The following MAGI2 variants were observed in gnomAD, a reference collection of about 807,000 sequenced individuals.
MAGI2 encodes the protein membrane associated guanylate kinase, WW and PDZ domain containing 2.
Under a neutral mutation model 133.3 loss-of-function variants are expected in MAGI2, and 35 were observed. The ratio of observed to expected loss-of-function variants is 0.26; its 90% CI spans 0.20 to 0.35. The LOEUF is 0.35. MAGI2 is among the 10% of genes least tolerant of loss of function. MAGI2 has a pLI of 1.00. For synonymous variants in MAGI2, 729 were observed against 710.6 expected, an observed-to-expected ratio of 1.03 and a Z score of -0.41; for missense variants, 1,636 against 1,863.4, an observed-to-expected ratio of 0.88 and a Z score of 2.25.
chr7:78,049,033 G>A (rs754820666), intron 21 of MAGI2, among the ~76,000 whole-genome samples: 15 of 151,358 alleles, frequency 9.9e-5, no homozygotes, highest in Non-Finnish European at 1.3e-4. Flanking sequence ...GCTTGAACCC[G>A]GGAGGCAGAG....
At chr7:78,676,611 C>T (rs1054474181) in intron 2 of MAGI2, among the ~76,000 whole-genome samples, 1 of 152,044 alleles carries the variant, frequency 6.6e-6, no homozygotes, top group Non-Finnish European at 1.5e-5. Context: ...CAGCTCAATC[C>T]AGTGTCACAG....
intron 16 of MAGI2, among the ~76,000 whole-genome samples, chr7:78,145,533 G>A (rs1485498480): frequency 6.6e-6 from 1 of 152,006 alleles, no homozygotes; most frequent in Non-Finnish European, 1.5e-5. Flanking sequence ...TTCTCCTATA[G>A]GTCATAAGGA....
intron 9 of MAGI2, among the ~76,000 whole-genome samples, chr7:78,276,093 A>AG (rs1309930235): frequency 6.6e-6 from 1 of 152,192 alleles, no homozygotes; most frequent in Admixed American, 6.5e-5. Flanking sequence ...GGGAAGCAAG[A>AG]GATCTAAGGA....
At chr7:79,452,013 A>G (rs1278351157) in intron 1 of MAGI2, among the ~76,000 whole-genome samples, 1 of 152,150 alleles carries the variant, frequency 6.6e-6, no homozygotes, top group African/African-American at 2.4e-5. Context: ...GATGATTCCA[A>G]TCTCCCCAAA....
chr7:78,085,689 T>G (rs1816567097), intron 20 of MAGI2, among the ~76,000 whole-genome samples: 1 of 151,872 alleles, frequency 6.6e-6, no homozygotes, highest in Non-Finnish European at 1.5e-5. Flanking sequence ...AGAAGAATCC[T>G]TCATCAAGGT....
chr7:79,136,008 A>AGAAG (rs1197720304), intron 1 of MAGI2, among the ~76,000 whole-genome samples: 12 of 121,382 alleles, frequency 9.9e-5, no homozygotes, highest in Admixed American at 3.2e-4. Flanking sequence ...AGAAAGAGAA[A>AGAAG]GAAAGAAAGA....
At chr7:78,221,863 T>G (rs1201536552) in intron 10 of MAGI2, among the ~76,000 whole-genome samples, 4 of 151,398 alleles carry the variant, frequency 2.6e-5, no homozygotes, top group African/African-American at 9.7e-5. Flanking sequence ...CTTGAACTCT[T>G]GGCCTTAAAC....
intron 13 of MAGI2, among the ~76,000 whole-genome samples, chr7:78,184,237 T>C (rs1207944256): frequency 1.3e-5 from 2 of 152,194 alleles, no homozygotes; most frequent in African/African-American, 4.8e-5. Context: ...TAGGTCCCAT[T>C]TTCTCTCTGG....
At chr7:79,260,762 C>T (rs748454313) in intron 1 of MAGI2, among the ~76,000 whole-genome samples, 29 of 152,104 alleles carry the variant, frequency 1.9e-4, no homozygotes, top group Non-Finnish European at 3.4e-4. Context: ...GTATATGAAA[C>T]GTAAGTGAAT....
intron 2 of MAGI2, among the ~76,000 whole-genome samples, chr7:78,817,146 A>T (rs1463802837): frequency 6.6e-6 from 1 of 152,184 alleles, no homozygotes; most frequent in Non-Finnish European, 1.5e-5. Context: ...TATGGTGGAA[A>T]TATCAAGCAA....
At chr7:79,183,421 T>G (rs913715230) in intron 1 of MAGI2, among the ~76,000 whole-genome samples, 1 of 151,912 alleles carries the variant, frequency 6.6e-6, no homozygotes, top group African/African-American at 2.4e-5. Context: ...TCAAAATAGC[T>G]CTGCAAATAT....
At chr7:78,486,459 A>C (rs1404708261) in intron 6 of MAGI2, 1 of 168,888 alleles carries the variant, frequency 5.9e-6, no homozygotes, top group Non-Finnish European at 1.3e-5. Flanking sequence ...ATTTTCGAGT[A>C]GTTGAGGAAA....
At chr7:78,801,719 G>A (rs1397216608) in intron 2 of MAGI2, among the ~76,000 whole-genome samples, 1 of 152,074 alleles carries the variant, frequency 6.6e-6, no homozygotes, top group Admixed American at 6.6e-5. Flanking sequence ...GTAAAGCAGG[G>A]ACTTCAATTT....
intron 1 of MAGI2, among the ~76,000 whole-genome samples, chr7:79,088,208 C>T (rs1393814192): frequency 6.6e-6 from 1 of 151,952 alleles, no homozygotes; most frequent in African/African-American, 2.4e-5. Context: ...AACTACAACC[C>T]CTTGAAGAGG....
intron 1 of MAGI2, among the ~76,000 whole-genome samples, chr7:79,288,012 T>C (rs1200043715): frequency 6.6e-6 from 1 of 152,130 alleles, no homozygotes; most frequent in Non-Finnish European, 1.5e-5. Flanking sequence ...AGATAAGAAC[T>C]ATGAACATTT....
At chr7:78,983,807 AC>A (rs1250896881) in intron 2 of MAGI2, among the ~76,000 whole-genome samples, 1 of 151,848 alleles carries the variant, frequency 6.6e-6, no homozygotes, top group African/African-American at 2.4e-5. Flanking sequence ...AAATTGAAGT[AC>A]CTAGGGCTCA....
chr7:78,151,896 G>A (rs767187344), intron 16 of MAGI2, among the ~76,000 whole-genome samples: 11 of 152,072 alleles, frequency 7.2e-5, no homozygotes, highest in Non-Finnish European at 1.2e-4. Context: ...TGAGGATTGC[G>A]CTGGATCACT....
intron 1 of MAGI2, among the ~76,000 whole-genome samples, chr7:79,395,312 T>C (rs1032161233): frequency 3.9e-5 from 6 of 152,178 alleles, no homozygotes; most frequent in Non-Finnish European, 7.4e-5. Flanking sequence ...AGAAATGATA[T>C]AATCAAAGGA....
intron 1 of MAGI2, among the ~76,000 whole-genome samples, chr7:79,144,044 T>C (rs978904778): frequency 7.2e-5 from 11 of 152,146 alleles, no homozygotes; most frequent in African/African-American, 2.4e-4. Flanking sequence ...AAACATACAG[T>C]ATCCTACTTG....
Sources: allele counts gnomAD v4.1 joint callset (sites outside exome capture counted in the v4.1 genomes callset), GRCh38; gene constraint gnomAD v4.1.1; transcripts MANE v1.5; gene names NCBI Gene and HGNC (gene_info 2026-07-23, HGNC 2026-07-21).